The following PRKAR1B variants were observed in gnomAD, a reference collection of about 807,000 sequenced individuals.
The protein encoded by PRKAR1B is cAMP-dependent protein kinase type I-beta regulatory subunit.
Under a neutral mutation model 46.5 loss-of-function variants are expected in PRKAR1B, and 22 were observed. The ratio of observed to expected loss-of-function variants is 0.47; its 90% CI spans 0.34 to 0.68. The LOEUF (loss-of-function observed/expected upper bound fraction) is 0.68. Ranked by LOEUF, PRKAR1B falls within the 30% of genes least tolerant of loss-of-function variation. The probability of loss-of-function intolerance (pLI) is 0.01; values close to 1 mark genes in which losing one functional copy is unlikely to be tolerated. For synonymous variants in PRKAR1B, 259 were observed against 217.7 expected (o/e 1.19, Z -1.67); for missense variants, 445 against 535.6 (o/e 0.83, Z 1.67).
At chr7:663,484 G>A in intron 4 of PRKAR1B, among the ~76,000 whole-genome samples, 1 of 152,152 alleles carries the variant, frequency 6.6e-6, no homozygotes, top group Non-Finnish European at 1.5e-5. Context: ...CAATCCCCCT[G>A]CCTCAGCCTC....
At chr7:605,130 G>A (rs949513139) in intron 6 of PRKAR1B, among the ~76,000 whole-genome samples, 1 of 152,252 alleles carries the variant, frequency 6.6e-6, no homozygotes, top group Non-Finnish European at 1.5e-5. Context: ...GGAGAAGCAG[G>A]AGCTAACGGG....
chr7:568,405 T>A (rs1182204730), intron 9 of PRKAR1B, among the ~76,000 whole-genome samples: 1 of 152,196 alleles, frequency 6.6e-6, no homozygotes, highest in African/African-American at 2.4e-5. Flanking sequence ...GGCTGTTGAA[T>A]CAGAGAGACA....
chr7:587,789 G>A (rs1780682921), intron 7 of PRKAR1B, among the ~76,000 whole-genome samples: 1 of 152,236 alleles, frequency 6.6e-6, no homozygotes, highest in South Asian at 2.1e-4. Flanking sequence ...CAGGAGTGGA[G>A]CAGAGGATGA....
chr7:569,524 G>A (rs1396904804), intron 9 of PRKAR1B, among the ~76,000 whole-genome samples: 1 of 152,242 alleles, frequency 6.6e-6, no homozygotes, highest in African/African-American at 2.4e-5. Context: ...CCAAGGCCCT[G>A]GGGGAGCTTT....
intron 6 of PRKAR1B, among the ~76,000 whole-genome samples, chr7:603,708 G>T (rs1781798452): frequency 2.2e-5 from 3 of 134,330 alleles, no homozygotes; most frequent in South Asian, 4.8e-4. Flanking sequence ...TGGAGGGGAT[G>T]GGGGAGGAGG....
chr7:606,248 AAAG>A lies in PRKAR1B; in HGVS notation c.503-12_503-10del, dbSNP rs1782041259. ...GTTGTCTCCTTCATTCCCTGTAACA[AAAG>A]AAGAAAGTCAACAGATACAAAGTAC... On this transcript the variant is annotated splice_polypyrimidine_tract_variant and intron_variant, in intron 5 of 10. Coordinates refer to ENST00000537384, the MANE Select transcript of PRKAR1B (RefSeq NM_001164760.2). 2 of 1,612,946 alleles carry A rather than the reference AAAG, an allele frequency of 1.2e-6. No homozygotes were observed. The highest frequency in any genetic ancestry group is 4.5e-5 in the East Asian group (2 of 44,844).
Position 550,429 on chromosome 7 carries a change from C to T in PRKAR1B, c.*1G>A, listed in dbSNP as rs772015176. 1 of 1,585,498 alleles carries T rather than the reference C, an allele frequency of 6.3e-7. No homozygotes were observed. Among genetic ancestry groups the T allele is most frequent in the Non-Finnish European group, 8.6e-7 (1 of 1,166,330 alleles). On this transcript the variant is annotated 3_prime_UTR_variant, in exon 11 of 11. Coordinates refer to ENST00000537384, the MANE Select transcript of PRKAR1B (RefSeq NM_001164760.2). Reference sequence around the variant, plus strand: ...CTGGGGCTGCAGGGCGGGAGCTGTGCTCAGACGGTGAGGGAGATGAAGCTG... The same window carrying T: ...CTGGGGCTGCAGGGCGGGAGCTGTGTTCAGACGGTGAGGGAGATGAAGCTG...
intron 2 of PRKAR1B, among the ~76,000 whole-genome samples, chr7:701,626 A>G (rs540199631): frequency 6.6e-6 from 1 of 152,350 alleles, no homozygotes; most frequent in East Asian, 1.9e-4. Context: ...ATCATGAAAG[A>G]AGCCAGAGAA....
In PRKAR1B at chr7:615,697, A is replaced by G. The variant is rs1427140765; in HGVS notation, c.441-8245T>C. ...AAAAAAATTAGCCGGGCGTGGTGGC[A>G]GGCGCCTGTAGTCCCAGCTACTCGG... On this transcript the variant is annotated intron_variant, in intron 4 of 10. Transcript: ENST00000537384. Among the ~76,000 whole-genome samples, 5 of 145,840 alleles carry G rather than the reference A, an allele frequency of 3.4e-5. No homozygotes were observed. In the South Asian group the frequency reaches 6.6e-4, roughly 19 times the overall value.
At chr7:682,458 T>A (rs1264529222) in intron 2 of PRKAR1B, among the ~76,000 whole-genome samples, 1 of 151,694 alleles carries the variant, frequency 6.6e-6, no homozygotes, top group Non-Finnish European at 1.5e-5. Flanking sequence ...TCAAAAAAAA[T>A]TTGTTGGCCA....
chr7:705,336 A>G (rs914207494), intron 2 of PRKAR1B, among the ~76,000 whole-genome samples: 2 of 151,962 alleles, frequency 1.3e-5, no homozygotes, highest in Non-Finnish European at 2.9e-5. Flanking sequence ...AAGAAAAAAA[A>G]AAACATTTTA....
chr7:653,887 C>G (rs1365875594), intron 4 of PRKAR1B, among the ~76,000 whole-genome samples: 1 of 151,854 alleles, frequency 6.6e-6, no homozygotes, highest in Non-Finnish European at 1.5e-5. Flanking sequence ...TCACCTTCAT[C>G]ACCATCACTA....
chr7:645,461 A>G (rs993195094), intron 4 of PRKAR1B, among the ~76,000 whole-genome samples: 3 of 152,160 alleles, frequency 2.0e-5, no homozygotes, highest in Admixed American at 6.5e-5. Flanking sequence ...GACCAGCCCA[A>G]GCAACATAGC....
rs1780820467 is a variant in PRKAR1B at position 714,934 on chromosome 7, C to T, written c.-22-3407G>A. Among the ~76,000 whole-genome samples the T allele has an allele frequency of 6.6e-6, 1 of 152,102 alleles. No individual in the cohort carries two copies. The highest frequency in any genetic ancestry group is 6.5e-5 in the Admixed American group (1 of 15,276). On this transcript the variant is annotated intron_variant, in intron 1 of 10. Transcript: ENST00000537384. This position sits in a 1 kb window ranked among gnomAD's most constrained non-coding sequence, Gnocchi z 4.3. ...GATGCGGTGGTTCACACCTGTAATC[C>T]CAGCACTTTGGGAGGCCGAGGCAGG...
intron 6 of PRKAR1B, among the ~76,000 whole-genome samples, chr7:601,455 G>A (rs546319435): frequency 1.9e-4 from 29 of 152,306 alleles, no homozygotes; most frequent in South Asian, 8.3e-4. Context: ...TAACTCACCC[G>A]GGCTACCCAA....
At chr7:609,424 C>T (rs541162987) in intron 4 of PRKAR1B, among the ~76,000 whole-genome samples, 1 of 152,284 alleles carries the variant, frequency 6.6e-6, no homozygotes, top group African/African-American at 2.4e-5. Context: ...ACCCTGCTGC[C>T]TCCACCACTC....
At chr7:657,418 T>TG (rs1244507469) in intron 4 of PRKAR1B, among the ~76,000 whole-genome samples, 22 of 121,314 alleles carry the variant, frequency 1.8e-4, no homozygotes, top group Non-Finnish European at 3.9e-4. Flanking sequence ...GATGGATGGA[T>TG]GAATGAATGA....
intron 2 of PRKAR1B, among the ~76,000 whole-genome samples, chr7:703,538 C>T (rs1780167198): frequency 6.6e-6 from 1 of 152,046 alleles, no homozygotes; most frequent in Non-Finnish European, 1.5e-5. Context: ...CGCCTGTAGT[C>T]CCAGCTACTT....
intron 9 of PRKAR1B, among the ~76,000 whole-genome samples, chr7:556,597 G>T (rs1317914243): frequency 1.3e-5 from 2 of 152,216 alleles, no homozygotes; most frequent in Non-Finnish European, 2.9e-5. Flanking sequence ...TGAGGCAAAG[G>T]GGTCGGTCCC....
Sources: gnomAD v4.1 joint callset for allele counts (sites outside exome capture counted in the v4.1 genomes callset) on GRCh38, gnomAD v4.1.1 for gene constraint, Gnocchi (gnomAD v3.1) non-coding constraint, MANE v1.5 for transcripts, NCBI Gene and HGNC (gene_info 2026-07-23, HGNC 2026-07-21) for gene names.